The following LRRC4C variants were observed in gnomAD, a reference collection of about 807,000 sequenced individuals.
LRRC4C encodes leucine-rich repeat-containing protein 4C.
A neutral mutation model predicts 33.6 loss-of-function variants in LRRC4C; 5 were observed. The ratio of observed to expected loss-of-function variants is 0.15; its 90% CI spans 0.08 to 0.31. The LOEUF (loss-of-function observed/expected upper bound fraction) is 0.31. Among genes scored for constraint, LRRC4C ranks in the 10% least tolerant of loss-of-function variants. The probability of loss-of-function intolerance (pLI) is 1.00; values close to 1 mark genes in which losing one functional copy is unlikely to be tolerated. For missense variants in LRRC4C, 560 were observed against 796.7 expected, an observed-to-expected ratio of 0.70 and a Z score of 3.58; for synonymous variants, 329 against 302.0, an observed-to-expected ratio of 1.09 and a Z score of -0.93.
At position 40,268,850 on chromosome 11, in the gene LRRC4C, C is replaced by T. The variant is rs1942475451; in HGVS notation, c.-175-27252G>A. Among the ~76,000 whole-genome samples, 4 of 152,272 alleles carry T rather than the reference C, an allele frequency of 2.6e-5. No homozygotes were observed. The South Asian group carries it at 6.2e-4, about 24-fold the overall frequency. On this transcript the variant is annotated intron_variant, in intron 4 of 6. Transcript: ENST00000528697. ...GGGCACCCATACTGATAATTTTAAA[C>T]TTCCTCAGGAGATCCTATGCATAGC... is the stretch of plus-strand genomic sequence containing the variant.
chr11:41,306,888 A>G (rs751191399), intron 1 of LRRC4C, among the ~76,000 whole-genome samples: 17 of 152,222 alleles, frequency 1.1e-4, no homozygotes, highest in Non-Finnish European at 1.8e-4. Flanking sequence ...TTAAGAAGAC[A>G]CACACAAAGA....
At chr11:40,988,934 A>G (rs1853298011) in intron 1 of LRRC4C, among the ~76,000 whole-genome samples, 1 of 151,590 alleles carries the variant, frequency 6.6e-6, no homozygotes, top group Non-Finnish European at 1.5e-5. Context: ...GTTAGCCAGG[A>G]TGGTCGCGAT....
rs1266430458 is a variant in LRRC4C at position 41,168,087 on chromosome 11, C to T, written c.-495-234364G>A. 2.0e-5 allele frequency among the ~76,000 whole-genome samples: 3 copies of T among 152,028 alleles called. No individual in the cohort carries two copies. The East Asian group carries it at 5.8e-4, about 29-fold the overall frequency. ...TTAGCTGTATCTAGCATTCATTGAC[C>T]ACCTATGAGCCAGGCATATATATCC... On this transcript the variant is annotated intron_variant, in intron 1 of 6. Coordinates refer to ENST00000528697, the MANE Select transcript of LRRC4C (RefSeq NM_001258419.2).
chr11:40,999,431 T>TA (rs1448406972), intron 1 of LRRC4C, among the ~76,000 whole-genome samples: 16 of 152,180 alleles, frequency 1.1e-4, no homozygotes, highest in African/African-American at 3.4e-4. Flanking sequence ...CAGAATTCTT[T>TA]AAAAATAATT....
chr11:40,666,488 A>G (rs1468386911), intron 2 of LRRC4C, among the ~76,000 whole-genome samples: 1 of 152,120 alleles, frequency 6.6e-6, no homozygotes, highest in Non-Finnish European at 1.5e-5. Flanking sequence ...GAACTTGACA[A>G]AATGGTAACA....
chr11:40,810,859 T>A (rs1951459665), intron 2 of LRRC4C, among the ~76,000 whole-genome samples: 1 of 152,218 alleles, frequency 6.6e-6, no homozygotes, highest in South Asian at 2.1e-4. Context: ...TGTACCCACA[T>A]AACCCTTTAC....
At chr11:40,914,966 T>C (rs1474346375) in intron 2 of LRRC4C, among the ~76,000 whole-genome samples, 1 of 151,982 alleles carries the variant, frequency 6.6e-6, no homozygotes, top group Non-Finnish European at 1.5e-5. Flanking sequence ...GAGAATAAAA[T>C]ACCTAGGAAT....
intron 1 of LRRC4C, among the ~76,000 whole-genome samples, chr11:41,094,469 A>T (rs1940674148): frequency 6.6e-6 from 1 of 151,122 alleles, no homozygotes; most frequent in South Asian, 2.1e-4. Context: ...GCTTACAGTG[A>T]GCCGAGATTG....
chr11:41,210,098 C>T (rs1946760964), intron 1 of LRRC4C, among the ~76,000 whole-genome samples: 1 of 152,166 alleles, frequency 6.6e-6, no homozygotes, highest in African/African-American at 2.4e-5. Flanking sequence ...TTTTGATTTC[C>T]AGCCTCCAGA....
chr11:40,207,906 TAC>T (rs1863277937), intron 5 of LRRC4C, among the ~76,000 whole-genome samples: 1 of 152,064 alleles, frequency 6.6e-6, no homozygotes, highest in Non-Finnish European at 1.5e-5. Context: ...CAGTCAGAGG[TAC>T]AGAGCCTCAA....
intron 3 of LRRC4C, among the ~76,000 whole-genome samples, chr11:40,584,605 A>C (rs1958626667): frequency 6.6e-6 from 1 of 152,130 alleles, no homozygotes; most frequent in Admixed American, 6.6e-5. Context: ...AAGAGAGAGA[A>C]TCCAGAGGCA....
intron 1 of LRRC4C, among the ~76,000 whole-genome samples, chr11:40,937,593 GTGTGTGTATA>G (rs1489222831): frequency 6.0e-4 from 86 of 142,364 alleles, no homozygotes; most frequent in African/African-American, 2.2e-3. Context: ...CTCTTCTTGA[GTGTGTGTATA>G]TGTGTGTGTG....
chr11:40,691,057 G>T (rs1426205653), intron 2 of LRRC4C, among the ~76,000 whole-genome samples: 1 of 151,960 alleles, frequency 6.6e-6, no homozygotes, highest in Non-Finnish European at 1.5e-5. Flanking sequence ...AGCCATGCAG[G>T]TCCCCTCGAC....
chr11:41,239,021 C>T (rs1421783843), intron 1 of LRRC4C, among the ~76,000 whole-genome samples: 1 of 151,692 alleles, frequency 6.6e-6, no homozygotes, highest in African/African-American at 2.4e-5. Flanking sequence ...TTGTTAAACT[C>T]CTCCACAGTA....
chr11:40,356,114 G>A (rs1029915673), intron 3 of LRRC4C, among the ~76,000 whole-genome samples: 4 of 152,094 alleles, frequency 2.6e-5, no homozygotes, highest in Non-Finnish European at 2.9e-5. Flanking sequence ...CGGCTGTAAA[G>A]TCAGTTTGAT....
At chr11:40,191,500 T>G (rs1861838468) in intron 5 of LRRC4C, among the ~76,000 whole-genome samples, 1 of 152,194 alleles carries the variant, frequency 6.6e-6, no homozygotes, top group Non-Finnish European at 1.5e-5. Context: ...GTCCCAGCAT[T>G]ACTAATTGAG....
chr11:40,478,920 G>T (rs1055246171), intron 3 of LRRC4C, among the ~76,000 whole-genome samples: 80 of 152,062 alleles, frequency 5.3e-4, no homozygotes, highest in African/African-American at 1.9e-3. Flanking sequence ...TGCTAATGTT[G>T]GTTAAATTGC....
intron 3 of LRRC4C, among the ~76,000 whole-genome samples, chr11:40,402,377 C>G (rs2137555257): frequency 6.6e-6 from 1 of 152,192 alleles, no homozygotes; most frequent in East Asian, 1.9e-4. Context: ...CTTATAAAAT[C>G]CCTGTAAAGT....
chr11:41,168,144 T>G (rs998498577), intron 1 of LRRC4C, among the ~76,000 whole-genome samples: 7 of 152,152 alleles, frequency 4.6e-5, no homozygotes, highest in African/African-American at 1.7e-4. Flanking sequence ...TAACCCAACC[T>G]GGATGTTTCT....
Sources: allele counts gnomAD v4.1 joint callset (sites outside exome capture counted in the v4.1 genomes callset), GRCh38; gene constraint gnomAD v4.1.1; transcripts MANE v1.5; gene names NCBI Gene and HGNC (gene_info 2026-07-23, HGNC 2026-07-21).